The following PTPRN2 variants were observed in gnomAD, a reference collection of about 807,000 sequenced individuals.
The protein encoded by PTPRN2 is receptor-type tyrosine-protein phosphatase N2.
In PTPRN2, 74 loss-of-function variants were observed where a neutral mutation model predicts 118.8. The observed-to-expected ratio is 0.62, with a 90% confidence interval of 0.52 to 0.76. The LOEUF is 0.76. Among genes scored for constraint, PTPRN2 ranks in the 30% least tolerant of loss-of-function variants. The pLI, the probability that PTPRN2 is intolerant of heterozygous loss-of-function variation, is 0.00. For synonymous variants in PTPRN2, 641 were observed against 608.0 expected (o/e 1.05, Z -0.80); for missense variants, 1,481 against 1,394.4 (o/e 1.06, Z -0.99).
intron 12 of PTPRN2, among the ~76,000 whole-genome samples, chr7:157,803,634 C>T (rs192634172): frequency 3.3e-5 from 5 of 152,260 alleles, no homozygotes; most frequent in Admixed American, 1.3e-4. Flanking sequence ...GGTCCGATGC[C>T]GTTCTTTTGC....
rs541100228 is a variant in PTPRN2, at chr7:158,015,003, C to T, written c.1723+66295G>A. Among the ~76,000 whole-genome samples, 1 of 152,318 alleles carries T rather than the reference C, an allele frequency of 6.6e-6. No homozygotes were observed. The highest frequency in any genetic ancestry group is 6.5e-5 in the Admixed American group (1 of 15,300). On this transcript the variant is annotated intron_variant, in intron 11 of 22. Coordinates refer to ENST00000389418, the MANE Select transcript of PTPRN2 (RefSeq NM_002847.5). The surrounding 1 kb of genome is among the most constrained non-coding windows in gnomAD (Gnocchi z 4.2). ...CTAATTTTTAAGAGAATAAGAACTT[C>T]TCCTGAATATCATCTTTTCCCTTTT...
intron 3 of PTPRN2, among the ~76,000 whole-genome samples, chr7:158,264,379 T>G (rs938084957): frequency 6.6e-6 from 1 of 152,184 alleles, no homozygotes; most frequent in Non-Finnish European, 1.5e-5. Flanking sequence ...CCAGGGCAGT[T>G]TGCTGAGCTC....
chr7:157,562,966 G>A (rs1229482095), intron 21 of PTPRN2, among the ~76,000 whole-genome samples: 1 of 111,702 alleles, frequency 9.0e-6, no homozygotes, highest in Non-Finnish European at 1.7e-5. Flanking sequence ...TCAGGACCAC[G>A]TGCTCCCGCT....
intron 11 of PTPRN2, among the ~76,000 whole-genome samples, chr7:157,997,634 G>A (rs981731421): frequency 6.6e-6 from 1 of 151,822 alleles, no homozygotes; most frequent in African/African-American, 2.4e-5. Flanking sequence ...AACGTGGGGG[G>A]AGGCATGACA....
At chr7:157,877,904 CAG>C (rs1000614591) in intron 12 of PTPRN2, among the ~76,000 whole-genome samples, 4 of 152,196 alleles carry the variant, frequency 2.6e-5, no homozygotes, top group Admixed American at 2.0e-4. Context: ...GGAAATATGT[CAG>C]GGGTGAGATT....
At chr7:157,580,702 G>C (rs1261713555) in intron 17 of PTPRN2, among the ~76,000 whole-genome samples, 6 of 63,430 alleles carry the variant, frequency 9.5e-5, no homozygotes, top group Middle Eastern at 0.016. Context: ...CTGGACACCC[G>C]AGCCCCTCCA....
chr7:158,239,578 G>T (rs1795783716), intron 3 of PTPRN2, among the ~76,000 whole-genome samples: 1 of 152,174 alleles, frequency 6.6e-6, no homozygotes. Flanking sequence ...CATCCCTGCG[G>T]CCCCTGCCAC....
At chr7:157,841,628 G>A (rs1164160577) in intron 12 of PTPRN2, among the ~76,000 whole-genome samples, 3 of 152,296 alleles carry the variant, frequency 2.0e-5, no homozygotes, top group South Asian at 4.2e-4. Context: ...CCACCACGGG[G>A]CCTTTGTGCT....
At chr7:157,541,523 T>C (rs974953252) in intron 22 of PTPRN2, among the ~76,000 whole-genome samples, 2 of 152,250 alleles carry the variant, frequency 1.3e-5, no homozygotes, top group African/African-American at 2.4e-5. Flanking sequence ...GGAGAGCGTA[T>C]CTGCCTCCTC....
At chr7:158,132,319 TAC>T (rs1818406953) in intron 9 of PTPRN2, among the ~76,000 whole-genome samples, 3 of 140,846 alleles carry the variant, frequency 2.1e-5, no homozygotes, top group African/African-American at 8.0e-5. Context: ...TACACACTCA[TAC>T]ACACACATGC....
At chr7:158,558,043 G>A (rs1388744382) in intron 1 of PTPRN2, among the ~76,000 whole-genome samples, 2 of 152,166 alleles carry the variant, frequency 1.3e-5, no homozygotes, top group Admixed American at 1.3e-4. Flanking sequence ...GGAGTGCAGT[G>A]GTATCATCAT....
At chr7:158,106,448 CTTCT>C (rs1177259379) in intron 10 of PTPRN2, among the ~76,000 whole-genome samples, 1 of 152,210 alleles carries the variant, frequency 6.6e-6, no homozygotes, top group African/African-American at 2.4e-5. Context: ...TTGGCTCCAG[CTTCT>C]TTCTTAGCTC....
intron 8 of PTPRN2, among the ~76,000 whole-genome samples, chr7:158,136,006 G>T (rs570731105): frequency 6.6e-6 from 1 of 152,308 alleles, no homozygotes; most frequent in South Asian, 2.1e-4. Flanking sequence ...AACAGGGAAG[G>T]CCAGTGTCTA....
chr7:157,871,803 A>G lies in PTPRN2; in HGVS notation c.1788+26870T>C, dbSNP rs1244535409. Among the ~76,000 whole-genome samples the G allele has an allele frequency of 2.6e-5, 4 of 151,508 alleles. No individual in the cohort carries two copies. The East Asian group carries it at 7.8e-4, about 29-fold the overall frequency. On this transcript the variant is annotated intron_variant, in intron 12 of 22. Transcript: ENST00000389418. ...CAGACCCCTAAATACCTACACACCCACACACCCACAAAAATGCACACACAC... is the reference window on the plus strand; with the variant it reads ...CAGACCCCTAAATACCTACACACCCGCACACCCACAAAAATGCACACACAC...
intron 2 of PTPRN2, among the ~76,000 whole-genome samples, chr7:158,318,117 AG>A (rs1802498637): frequency 6.6e-6 from 1 of 152,038 alleles, no homozygotes; most frequent in Non-Finnish European, 1.5e-5. Context: ...ACAAAGGCGG[AG>A]GGCTCTCGGG....
At chr7:158,367,485 AC>A (rs1809629483) in intron 2 of PTPRN2, among the ~76,000 whole-genome samples, 1 of 152,172 alleles carries the variant, frequency 6.6e-6, no homozygotes, top group African/African-American at 2.4e-5. Context: ...GGATGGAGGC[AC>A]CAACTGGGAG....
At position 157,785,167 on chromosome 7, in the gene PTPRN2, C is replaced by A. The variant is rs1803950222; in HGVS notation, c.1789-102230G>T. Among the ~76,000 whole-genome samples the A allele has an allele frequency of 6.6e-6, 1 of 151,942 alleles. No homozygotes were observed. ...CACCGAGAAGCAGCCAGCACAGGCT[C>A]TCCACAGGGGCTCTGGCATGGAGCA... On this transcript the variant is annotated intron_variant, in intron 12 of 22. Coordinates refer to ENST00000389418, the MANE Select transcript of PTPRN2 (RefSeq NM_002847.5). The surrounding 1 kb of genome is among the most constrained non-coding windows in gnomAD (Gnocchi z 7.3).
intron 12 of PTPRN2, among the ~76,000 whole-genome samples, chr7:157,716,737 G>A (rs1798936096): frequency 1.8e-5 from 1 of 55,664 alleles, no homozygotes; most frequent in South Asian, 8.0e-4. Context: ...CGTAGACTCT[G>A]CGGGAACACT....
At chr7:158,023,183 G>A (rs950116579) in intron 11 of PTPRN2, among the ~76,000 whole-genome samples, 5 of 152,118 alleles carry the variant, frequency 3.3e-5, no homozygotes, top group Non-Finnish European at 5.9e-5. Flanking sequence ...AGCCCATGTC[G>A]ACAAGGAGTA....
Sources: gnomAD v4.1 joint callset for allele counts (sites outside exome capture counted in the v4.1 genomes callset) on GRCh38, gnomAD v4.1.1 for gene constraint, Gnocchi (gnomAD v3.1) non-coding constraint, MANE v1.5 for transcripts, NCBI Gene and HGNC (gene_info 2026-07-23, HGNC 2026-07-21) for gene names.